Variants in SLC22A16 observed in about 807,000 individuals in gnomAD.
SLC22A16 encodes the protein solute carrier family 22 member 16, also known as WUGSC:RG331P03.1.
Under a neutral mutation model 52.9 loss-of-function variants are expected in SLC22A16, and 53 were observed. The ratio of observed to expected loss-of-function variants is 1.00; its 90% CI spans 0.80 to 1.26. The LOEUF (loss-of-function observed/expected upper bound fraction) is 1.26. SLC22A16 is among the 50% of genes most tolerant of loss of function. The pLI, the probability that SLC22A16 is intolerant of heterozygous loss-of-function variation, is 0.00. For missense variants in SLC22A16, 726 were observed against 704.0 expected, an observed-to-expected ratio of 1.03 and a Z score of -0.35; for synonymous variants, 291 against 268.8, an observed-to-expected ratio of 1.08 and a Z score of -0.81.
At chr6:110,459,167 C>G (rs541924727) in intron 1 of SLC22A16, among the ~76,000 whole-genome samples, 1 of 152,304 alleles carries the variant, frequency 6.6e-6, no homozygotes, top group African/African-American at 2.4e-5. Context: ...CATTCCCTCT[C>G]TCCAGGAAGT....
chr6:110,463,246 C>T (rs78679583), intron 1 of SLC22A16, among the ~76,000 whole-genome samples: 10,102 of 152,008 alleles, frequency 0.066, 537 homozygotes, highest in East Asian at 0.29. Context: ...GCTAACAAAA[C>T]TCTGACAGGA....
At chr6:110,475,705 G>A (rs558508303) in intron 1 of SLC22A16, among the ~76,000 whole-genome samples, 1 of 152,122 alleles carries the variant, frequency 6.6e-6, no homozygotes, top group Non-Finnish European at 1.5e-5. Context: ...CAAATCTCCG[G>A]CCATAACGCT....
At chr6:110,427,313 T>A (rs1339988411) in intron 7 of SLC22A16, among the ~76,000 whole-genome samples, 1 of 151,878 alleles carries the variant, frequency 6.6e-6, no homozygotes, top group Admixed American at 6.6e-5. Flanking sequence ...GACCCTTTTA[T>A]AATCTCCATA....
chr6:110,445,428 G>A (rs183986560), intron 3 of SLC22A16, among the ~76,000 whole-genome samples: 57 of 152,188 alleles, frequency 3.7e-4, no homozygotes, highest in Admixed American at 2.9e-3. Context: ...GCTGATCAAC[G>A]TCTTGCCTTT....
intron 1 of SLC22A16, among the ~76,000 whole-genome samples, chr6:110,464,268 G>A (rs894957157): frequency 4.0e-5 from 6 of 151,870 alleles, no homozygotes; most frequent in Admixed American, 1.3e-4. Flanking sequence ...CACAAAGCTA[G>A]CAGAAGAAAA....
chr6:110,429,493 G>A (rs923369980), intron 7 of SLC22A16, among the ~76,000 whole-genome samples: 6 of 152,198 alleles, frequency 3.9e-5, no homozygotes, highest in African/African-American at 7.2e-5. Context: ...CACATAATTA[G>A]TATAACACCC....
chr6:110,470,581 G>GA (rs1390850622), intron 1 of SLC22A16, among the ~76,000 whole-genome samples: 1 of 152,006 alleles, frequency 6.6e-6, no homozygotes, highest in African/African-American at 2.4e-5. Flanking sequence ...CCTGGCCTCA[G>GA]TTTTTTTCTT....
At chr6:110,473,916 A>G (rs1776365929) in intron 1 of SLC22A16, among the ~76,000 whole-genome samples, 1 of 151,980 alleles carries the variant, frequency 6.6e-6, no homozygotes, top group Non-Finnish European at 1.5e-5. Flanking sequence ...TCTCTACTGT[A>G]GGGGTCCCAA....
chr6:110,475,500 C>G (rs1776430464), intron 1 of SLC22A16, among the ~76,000 whole-genome samples: 1 of 152,214 alleles, frequency 6.6e-6, no homozygotes, highest in African/African-American at 2.4e-5. Flanking sequence ...TGCCCGTTTC[C>G]TCTGTCCTAA....
At chr6:110,473,027 A>G (rs17071725) in intron 1 of SLC22A16, among the ~76,000 whole-genome samples, 18,113 of 152,186 alleles carry the variant, frequency 0.12, 1,389 homozygotes, top group East Asian at 0.28. Flanking sequence ...ACTTACCACC[A>G]GGGACCATGA....
rs369446551 is a variant in SLC22A16 at position 110,446,036 on chromosome 6, C to A, written c.651+837G>T. On this transcript the variant is annotated intron_variant, in intron 3 of 7. Coordinates refer to ENST00000368919, the MANE Select transcript of SLC22A16 (RefSeq NM_033125.4). ...AAAAAAGACTCCAAAACTGACACCC[C>A]ATCTTGTTCTCTGAGGGGGTGCAGA... Among the ~76,000 whole-genome samples, 21 of 152,262 alleles carry A rather than the reference C, an allele frequency of 1.4e-4. No homozygotes were observed. The South Asian group carries it at 4.3e-3, about 32-fold the overall frequency.
rs116405703 is a variant in SLC22A16, at chr6:110,453,258, A to T, written c.533+3280T>A. On this transcript the variant is annotated intron_variant, in intron 2 of 7. Transcript: ENST00000368919. Reference sequence around the variant, plus strand: ...TTGTGCCTGATAATTCTAGTATTTGAAGTCTTTGTGCAGAAGTCTGCTTCT... The same window carrying T: ...TTGTGCCTGATAATTCTAGTATTTGTAGTCTTTGTGCAGAAGTCTGCTTCT... 9.1e-3 allele frequency among the ~76,000 whole-genome samples: 1,388 copies of T among 152,218 alleles called. 24 individuals are homozygous for T. The highest frequency in any genetic ancestry group is 0.031 in the African/African-American group (1,268 of 41,514).
At chr6:110,427,625 G>C (rs1480136676) in intron 7 of SLC22A16, among the ~76,000 whole-genome samples, 2 of 151,980 alleles carry the variant, frequency 1.3e-5, no homozygotes, top group Admixed American at 1.3e-4. Context: ...TCAGCCTCCC[G>C]AGTAGCTGGG....
Position 110,446,958 on chromosome 6 carries a change from C to T in SLC22A16, c.566G>A (p.Ser189Asn). 6.2e-7 allele frequency: 1 copy of T among 1,613,956 alleles called. No individual in the cohort carries two copies. The highest frequency in any genetic ancestry group is 8.5e-7 in the Non-Finnish European group (1 of 1,179,914). The change falls in exon 3 of 8, where the codon AGC becomes AAC. Residue 189 changes from serine to asparagine, a missense_variant. Physicochemically the swap from Ser to Asn is conservative, Grantham distance 46. Coordinates refer to ENST00000368919, the MANE Select transcript of SLC22A16 (RefSeq NM_033125.4). Reference sequence around the variant, plus strand: ...TATTCCAAACAAAAACATGCTACTGCTTGTGGCCCACAAGACCACCCGGCG... The same window carrying T: ...TATTCCAAACAAAAACATGCTACTGTTTGTGGCCCACAAGACCACCCGGCG... ...LGRRVVLWAT[S>N]SSMFLFGIAA...
chr6:110,434,852 C>T (rs1457746907), intron 6 of SLC22A16, among the ~76,000 whole-genome samples: 3 of 152,108 alleles, frequency 2.0e-5, no homozygotes, highest in Admixed American at 6.5e-5. Flanking sequence ...GTGGCATGCA[C>T]GTGTAATCCC....
intron 2 of SLC22A16, chr6:110,455,818 G>A (rs1264944325): frequency 6.6e-6 from 1 of 152,090 alleles, no homozygotes; most frequent in Non-Finnish European, 1.5e-5. Flanking sequence ...AGGTTGAAGG[G>A]AGCACTCTCC....
chr6:110,424,854 G>C lies in SLC22A16; in HGVS notation c.*19C>G. 1.2e-6 allele frequency: 2 copies of C among 1,613,966 alleles called. No individual in the cohort carries two copies. Among genetic ancestry groups the C allele is most frequent in the Non-Finnish European group, 1.7e-6 (2 of 1,179,938 alleles). On this transcript the variant is annotated 3_prime_UTR_variant, in exon 8 of 8. Coordinates refer to ENST00000368919, the MANE Select transcript of SLC22A16 (RefSeq NM_033125.4). ...AGGGTAAATAATATTTCAGGTGCTA[G>C]ACAGCAGGCATGGCACATTTATTCA...
At chr6:110,471,662 G>A (rs548210048) in intron 1 of SLC22A16, among the ~76,000 whole-genome samples, 6 of 152,314 alleles carry the variant, frequency 3.9e-5, no homozygotes, top group African/African-American at 9.6e-5. Flanking sequence ...ATTTAGTATC[G>A]TTGATGTAAG....
chr6:110,450,611 CAAAAAAA>C (rs35567505), intron 2 of SLC22A16, among the ~76,000 whole-genome samples: 2 of 48,732 alleles, frequency 4.1e-5, no homozygotes, highest in Non-Finnish European at 8.4e-5. Flanking sequence ...GACATCTTCT[CAAAAAAA>C]AAAAAAAAAA....
Sources: allele counts gnomAD v4.1 joint callset (sites outside exome capture counted in the v4.1 genomes callset), GRCh38; gene constraint gnomAD v4.1.1; transcripts MANE v1.5; gene names NCBI Gene and HGNC (gene_info 2026-07-23, HGNC 2026-07-21).